CACNA1C: variants seen among roughly 807,000 people sequenced by gnomAD.
CACNA1C encodes the protein calcium voltage-gated channel subunit alpha1 C.
CACNA1C carries 30 observed loss-of-function variants against 229.0 expected under a neutral mutation model. That is an observed-to-expected ratio of 0.13 (90% CI 0.10 to 0.18). CACNA1C has a LOEUF of 0.18. Among genes scored for constraint, CACNA1C ranks in the 10% least tolerant of loss-of-function variants. CACNA1C has a pLI of 1.00. For missense variants in CACNA1C, 1,658 were observed against 2,845.0 expected, an observed-to-expected ratio of 0.58 and a Z score of 9.49; for synonymous variants, 1,114 against 1,132.5, an observed-to-expected ratio of 0.98 and a Z score of 0.33.
At chr12:2,454,537 A>G (rs1328286062) in intron 4 of CACNA1C, among the ~76,000 whole-genome samples, 1 of 152,178 alleles carries the variant, frequency 6.6e-6, no homozygotes, top group East Asian at 1.9e-4. Context: ...TATGCTCAGC[A>G]TTCTTAGTCT....
intron 1 of CACNA1C, among the ~76,000 whole-genome samples, chr12:2,081,720 A>G (rs1471047618): frequency 6.6e-6 from 1 of 152,178 alleles, no homozygotes; most frequent in East Asian, 1.9e-4. Context: ...TATTTTTTTT[A>G]AGAAGATTAA....
Position 2,566,927 on chromosome 12 carries a change from G to A in CACNA1C, c.1669+345G>A, listed in dbSNP as rs2051300006. The stretch of plus-strand genomic sequence containing the variant: ...CCAGCATGGATTTTAAATACCTGGG[G>A]GCCTTCCTACAGCCCTGAGGTGGCC... On this transcript the variant is annotated intron_variant, in intron 12 of 46. Coordinates refer to ENST00000399655, the MANE Select transcript of CACNA1C (RefSeq NM_000719.7). The surrounding 1 kb of genome is among the most constrained non-coding windows in gnomAD (Gnocchi z 4.0). Among the ~76,000 whole-genome samples, 2 of 152,190 alleles carry A rather than the reference G, an allele frequency of 1.3e-5. No individual in the cohort carries two copies. Among genetic ancestry groups the A allele is most frequent in the African/African-American group, 4.8e-5 (2 of 41,440 alleles).
At position 2,598,109 on chromosome 12, in the gene CACNA1C, G is replaced by A. The variant is rs138219212; in HGVS notation, c.2853+820G>A. Among the ~76,000 whole-genome samples, 68 of 152,284 alleles carry A rather than the reference G, an allele frequency of 4.5e-4. 2 individuals carry two copies. Among genetic ancestry groups the A allele is most frequent in the African/African-American group, 1.6e-3 (65 of 41,560 alleles). On this transcript the variant is annotated intron_variant, in intron 21 of 46. Transcript: ENST00000399655. Reference sequence around the variant, plus strand: ...AGCAGGGCCATTACAGACTACTGCCGACCCTCAGTCACCTGCTGCAAAGCT... The same window carrying A: ...AGCAGGGCCATTACAGACTACTGCCAACCCTCAGTCACCTGCTGCAAAGCT...
intron 3 of CACNA1C, among the ~76,000 whole-genome samples, chr12:2,277,358 GACAGACACACAC>G (rs1430886711): frequency 0.03 from 2,409 of 81,422 alleles, 13 homozygotes; most frequent in South Asian, 0.041. Flanking sequence ...CAGACAGACA[GACAGACACACAC>G]ACACACACAC....
intron 5 of CACNA1C, among the ~76,000 whole-genome samples, chr12:2,461,105 C>A (rs2099498265): frequency 6.6e-6 from 1 of 152,198 alleles, no homozygotes. Context: ...GTCTGTGATT[C>A]TTGTCCTCCC....
At chr12:2,422,706 A>C (rs966616025) in intron 3 of CACNA1C, among the ~76,000 whole-genome samples, 3 of 152,156 alleles carry the variant, frequency 2.0e-5, no homozygotes, top group Non-Finnish European at 2.9e-5. Context: ...GGGAGGGTAA[A>C]GGGCACCACC....
rs538719352 is a variant in CACNA1C, at chr12:2,192,791, C to T, written c.477+72361C>T. On this transcript the variant is annotated intron_variant, in intron 3 of 46. Transcript: ENST00000399655. Reference sequence around the variant, plus strand: ...CCCTCCTCCACAGAGCCCTGGAAGACTTGGCGGTGCTGTGATACGTGTAGT... The same window carrying T: ...CCCTCCTCCACAGAGCCCTGGAAGATTTGGCGGTGCTGTGATACGTGTAGT... Among the ~76,000 whole-genome samples the T allele has an allele frequency of 2.2e-4, 33 of 152,002 alleles. No homozygotes were observed. In the East Asian group the frequency reaches 6.0e-3, roughly 28 times the overall value.
intron 3 of CACNA1C, among the ~76,000 whole-genome samples, chr12:2,392,146 C>A (rs1000425381): frequency 2.0e-5 from 3 of 152,174 alleles, no homozygotes; most frequent in Non-Finnish European, 2.9e-5. Context: ...AGAATTCTTA[C>A]AATTTTCAAG....
chr12:2,442,670 A>T (rs956849657), intron 3 of CACNA1C, among the ~76,000 whole-genome samples: 2 of 152,176 alleles, frequency 1.3e-5, no homozygotes, highest in African/African-American at 4.8e-5. Flanking sequence ...TAATTGGCTC[A>T]TGGTTCTGTG....
chr12:2,340,826 G>A (rs6489364), intron 3 of CACNA1C, among the ~76,000 whole-genome samples: 21,728 of 152,002 alleles, frequency 0.14, 2,106 homozygotes, highest in African/African-American at 0.27. Context: ...GCGTGGTGGC[G>A]GGCGCCTGTA....
chr12:2,123,955 G>A (rs757354549), intron 3 of CACNA1C, among the ~76,000 whole-genome samples: 2 of 152,084 alleles, frequency 1.3e-5, no homozygotes, highest in Non-Finnish European at 2.9e-5. Flanking sequence ...GCGAAGTGTT[G>A]GGTCTTGTTA....
intron 13 of CACNA1C, among the ~76,000 whole-genome samples, chr12:2,569,586 G>C (rs1018349583): frequency 6.6e-6 from 1 of 152,156 alleles, no homozygotes; most frequent in Non-Finnish European, 1.5e-5. Flanking sequence ...TTAGAATAAT[G>C]TTTTCAAGGG....
At chr12:2,025,040 C>T (rs753631877) in intron 1 of CACNA1C, among the ~76,000 whole-genome samples, 43 of 152,338 alleles carry the variant, frequency 2.8e-4, no homozygotes, top group Non-Finnish European at 5.4e-4. Flanking sequence ...GCATTTGTCA[C>T]AGTGGAGGCT....
intron 3 of CACNA1C, among the ~76,000 whole-genome samples, chr12:2,220,070 A>G (rs976646702): frequency 1.3e-5 from 2 of 152,226 alleles, no homozygotes; most frequent in Non-Finnish European, 2.9e-5. Context: ...AATCAGCACA[A>G]GACGGTGGAA....
intron 5 of CACNA1C, among the ~76,000 whole-genome samples, chr12:2,466,491 C>A (rs2099551557): frequency 6.6e-6 from 1 of 152,246 alleles, no homozygotes; most frequent in Non-Finnish European, 1.5e-5. Flanking sequence ...ACTGACATAT[C>A]TTGGAGTCCC....
At chr12:2,623,750 G>A (rs1289978491) in intron 29 of CACNA1C, among the ~76,000 whole-genome samples, 2 of 152,156 alleles carry the variant, frequency 1.3e-5, no homozygotes, top group Non-Finnish European at 2.9e-5. Context: ...CGGAAGACAA[G>A]ACAGGCAGCT....
chr12:2,039,890 G>C (rs2049792403), intron 1 of CACNA1C, among the ~76,000 whole-genome samples: 2 of 152,206 alleles, frequency 1.3e-5, no homozygotes, highest in South Asian at 2.1e-4. Flanking sequence ...GTCAGTGTTG[G>C]CTGCCTATAT....
At position 2,053,313 on chromosome 12, in the gene CACNA1C, G is replaced by A; in HGVS notation, c.-250G>A. 8.1e-7 allele frequency: 1 copy of A among 1,242,072 alleles called. No individual in the cohort carries two copies. Among genetic ancestry groups the A allele is most frequent in the Non-Finnish European group, 1.0e-6 (1 of 988,996 alleles). The allele number at this position is 1,242,072 out of a possible 1,614,324, so 76.9% of individuals were successfully genotyped here. A position where few individuals can be genotyped will look rare whatever the true frequency, so the allele number is the denominator to read the frequency against. On this transcript the variant is annotated 5_prime_UTR_variant, in exon 1 of 47. An upstream start codon of the reference 5' UTR is lost. Transcript: ENST00000399655. This position sits in a 1 kb window ranked among gnomAD's most constrained non-coding sequence, Gnocchi z 5.8. ...CTCAGTTCTTGGAAGGGGCCCGGAT[G>A]TACTGAGGATGCGTTACAGTTTCAC...
At position 2,053,376 on chromosome 12, in the gene CACNA1C, T is replaced by A. The variant is rs2052893326; in HGVS notation, c.-187T>A. On this transcript the variant is annotated 5_prime_UTR_variant, in exon 1 of 47. Transcript: ENST00000399655. This position sits in a 1 kb window ranked among gnomAD's most constrained non-coding sequence, Gnocchi z 5.8. ...TAGTGGAAAGGAGCAGTTTTTGGGG[T>A]TTGATGCCATAATGGGAATCAGGTA... 7.3e-7 allele frequency: 1 copy of A among 1,373,758 alleles called. No individual in the cohort carries two copies. Among genetic ancestry groups the A allele is most frequent in the African/African-American group, 1.5e-5 (1 of 67,554 alleles). The allele number at this position is 1,373,758 out of a possible 1,614,324, so 85.1% of individuals were successfully genotyped here.
Sources: gnomAD v4.1 joint callset for allele counts (sites outside exome capture counted in the v4.1 genomes callset) on GRCh38, gnomAD v4.1.1 for gene constraint, Gnocchi (gnomAD v3.1) non-coding constraint, MANE v1.5 for transcripts, NCBI Gene and HGNC (gene_info 2026-07-23, HGNC 2026-07-21) for gene names.